The following TENM2 variants were observed in gnomAD, a reference collection of about 807,000 sequenced individuals.
TENM2 encodes teneurin transmembrane protein 2.
In TENM2, 52 loss-of-function variants were observed where a neutral mutation model predicts 245.2. The ratio of observed to expected loss-of-function variants is 0.21; its 90% CI spans 0.17 to 0.27. TENM2 has a LOEUF of 0.27. Ranked by LOEUF, TENM2 falls within the 10% of genes least tolerant of loss-of-function variation. The probability of loss-of-function intolerance (pLI) is 1.00; values close to 1 mark genes in which losing one functional copy is unlikely to be tolerated. For synonymous variants in TENM2, 1,363 were observed against 1,438.9 expected (o/e 0.95, Z 1.19); for missense variants, 3,046 against 3,666.8 (o/e 0.83, Z 4.37).
At chr5:167,156,809 A>G in the TENM2 span, among the ~76,000 whole-genome samples, 1 of 152,180 alleles carries the variant, frequency 6.6e-6, no homozygotes, top group African/African-American at 2.4e-5. Flanking sequence ...ACTTGCCCAG[A>G]CTACCAGAAG....
At chr5:168,243,235 T>C (rs1766267775) in intron 25 of TENM2, among the ~76,000 whole-genome samples, 1 of 152,204 alleles carries the variant, frequency 6.6e-6, no homozygotes, top group Non-Finnish European at 1.5e-5. Context: ...GGAGCCCCTC[T>C]CCTTTGCCCC....
At chr5:167,187,765 G>C in the TENM2 span, among the ~76,000 whole-genome samples, 1 of 151,940 alleles carries the variant, frequency 6.6e-6, no homozygotes, top group Non-Finnish European at 1.5e-5. Context: ...TCTGTTCTCC[G>C]GGGAGCCTGG....
intron 2 of TENM2, among the ~76,000 whole-genome samples, chr5:167,667,825 G>A (rs757704226): frequency 2.6e-5 from 4 of 152,146 alleles, no homozygotes; most frequent in Admixed American, 1.3e-4. Flanking sequence ...ATTGAATGGC[G>A]TGTGTTGTGA....
intron 2 of TENM2, among the ~76,000 whole-genome samples, chr5:167,551,121 A>G (rs773943506): frequency 2.6e-5 from 4 of 152,248 alleles, no homozygotes; most frequent in South Asian, 2.1e-4. Context: ...AATATAATCA[A>G]AATTACTTAT....
intron 12 of TENM2, among the ~76,000 whole-genome samples, chr5:168,135,242 T>A (rs1364885281): frequency 6.6e-6 from 1 of 152,184 alleles, no homozygotes; most frequent in East Asian, 1.9e-4. Context: ...TGGGGATTCG[T>A]TGCAATTTTT....
At chr5:167,123,533 A>G in the TENM2 span, among the ~76,000 whole-genome samples, 2 of 152,220 alleles carry the variant, frequency 1.3e-5, no homozygotes, top group Admixed American at 1.3e-4. Context: ...ATAACTCAGT[A>G]AGGGAGGAGT....
At chr5:167,086,737 T>C in the TENM2 span, among the ~76,000 whole-genome samples, 1 of 152,030 alleles carries the variant, frequency 6.6e-6, no homozygotes, top group Non-Finnish European at 1.5e-5. Context: ...TCTGCAAAGA[T>C]AAAACGATCA....
At chr5:167,551,646 A>G (rs1366011739) in intron 2 of TENM2, among the ~76,000 whole-genome samples, 1 of 152,064 alleles carries the variant, frequency 6.6e-6, no homozygotes, top group East Asian at 1.9e-4. Context: ...ACAAAAATAA[A>G]CCCATAAAAT....
At chr5:167,809,869 T>C (rs1436611425) in intron 2 of TENM2, among the ~76,000 whole-genome samples, 1 of 152,082 alleles carries the variant, frequency 6.6e-6, no homozygotes, top group African/African-American at 2.4e-5. Context: ...AAACTAAAAA[T>C]AATAGGCTCT....
In TENM2 at chr5:167,666,429, G is replaced by A. The variant is rs375693279; in HGVS notation, c.503-209557G>A. 5.9e-5 allele frequency among the ~76,000 whole-genome samples: 9 copies of A among 152,218 alleles called. No individual in the cohort carries two copies. In the South Asian group the frequency reaches 1.9e-3, roughly 32 times the overall value. Reference sequence around the variant, plus strand: ...CGAGTAAACTTCCCAGTTTACTTAAGCTCTCCAAGCCTCAGTTGCTTCATC... The same window carrying A: ...CGAGTAAACTTCCCAGTTTACTTAAACTCTCCAAGCCTCAGTTGCTTCATC... On this transcript the variant is annotated intron_variant, in intron 2 of 28. Transcript: ENST00000518659.
At chr5:168,230,393 G>A (rs570832808) in intron 25 of TENM2, among the ~76,000 whole-genome samples, 3 of 152,192 alleles carry the variant, frequency 2.0e-5, no homozygotes, top group Non-Finnish European at 2.9e-5. Flanking sequence ...AATTCAGTTC[G>A]TAAACTGTTT....
chr5:167,852,940 T>A (rs1770716514), intron 2 of TENM2, among the ~76,000 whole-genome samples: 1 of 152,068 alleles, frequency 6.6e-6, no homozygotes, highest in African/African-American at 2.4e-5. Context: ...CTGGTGTGCA[T>A]CCCATCACAA....
chr5:167,271,206 G>C, the TENM2 span, among the ~76,000 whole-genome samples: 1 of 152,114 alleles, frequency 6.6e-6, no homozygotes, highest in South Asian at 2.1e-4. Flanking sequence ...TGGTGAGGAG[G>C]AGTGGGGAGG....
At position 167,344,151 on chromosome 5, in the gene TENM2, C is replaced by T. The variant is rs578238141; in HGVS notation, c.227-31047C>T. Among the ~76,000 whole-genome samples, 113 of 148,236 alleles carry T rather than the reference C, an allele frequency of 7.6e-4. 1 individual carries two copies. Among genetic ancestry groups the T allele is most frequent in the African/African-American group, 2.5e-3 (101 of 40,698 alleles). ...TATATATTATATTATTTATATATTG[C>T]TATATGTATTTTATATATATATAAA... On this transcript the variant is annotated intron_variant, in intron 1 of 28. Coordinates refer to ENST00000518659, the Ensembl canonical transcript of TENM2.
the TENM2 span, among the ~76,000 whole-genome samples, chr5:167,056,318 T>C: frequency 3.3e-5 from 5 of 151,462 alleles, no homozygotes; most frequent in Non-Finnish European, 5.9e-5. Context: ...TGAATGATAA[T>C]TTCACAGGGT....
intron 2 of TENM2, among the ~76,000 whole-genome samples, chr5:167,564,035 G>A (rs1011959633): frequency 2.6e-5 from 4 of 152,198 alleles, no homozygotes; most frequent in Admixed American, 6.5e-5. Flanking sequence ...ACCAGCCATT[G>A]TTCTAAGTGT....
the TENM2 span, among the ~76,000 whole-genome samples, chr5:167,150,720 C>G: frequency 6.6e-6 from 1 of 152,132 alleles, no homozygotes; most frequent in Admixed American, 6.5e-5. Flanking sequence ...GAAATTCTAA[C>G]CCACATAGTT....
At chr5:167,007,109 T>C in the TENM2 span, among the ~76,000 whole-genome samples, 1 of 152,230 alleles carries the variant, frequency 6.6e-6, no homozygotes, top group African/African-American at 2.4e-5. The surrounding 1 kb of genome is among the most constrained non-coding windows in gnomAD (Gnocchi z 4.2). Context: ...CTGCTACTGA[T>C]TGCTTCTAAT....
At chr5:167,766,083 T>A (rs975438527) in intron 2 of TENM2, among the ~76,000 whole-genome samples, 3 of 152,126 alleles carry the variant, frequency 2.0e-5, no homozygotes, top group African/African-American at 7.2e-5. Context: ...ACTGAATATT[T>A]ATGTTAGTGT....
Sources: allele counts gnomAD v4.1 joint callset (sites outside exome capture counted in the v4.1 genomes callset), GRCh38; gene constraint gnomAD v4.1.1; non-coding constraint Gnocchi (gnomAD v3.1); transcripts MANE v1.5; gene names NCBI Gene and HGNC (gene_info 2026-07-23, HGNC 2026-07-21).